Variants in TES observed in about 807,000 individuals in gnomAD.
TES encodes testin LIM domain protein.
A neutral mutation model predicts 48.2 loss-of-function variants in TES; 41 were observed. That is an observed-to-expected ratio of 0.85 (90% CI 0.66 to 1.10). The LOEUF (loss-of-function observed/expected upper bound fraction) is 1.10, where lower values mean the gene tolerates loss of function less well. Ranked by LOEUF, TES falls within the 50% of genes least tolerant of loss-of-function variation. TES has a pLI of 0.00. For synonymous variants in TES, 162 were observed against 174.9 expected, an observed-to-expected ratio of 0.93 and a Z score of 0.58; for missense variants, 463 against 515.1, an observed-to-expected ratio of 0.90 and a Z score of 0.98.
At chr7:116,233,946 A>G (rs1367718072) in intron 1 of TES, among the ~76,000 whole-genome samples, 1 of 152,166 alleles carries the variant, frequency 6.6e-6, no homozygotes, top group Non-Finnish European at 1.5e-5. Context: ...TAACTGCCTA[A>G]TCATTTCATA....
intron 1 of TES, among the ~76,000 whole-genome samples, chr7:116,224,002 T>C (rs1219734043): frequency 2.6e-5 from 4 of 152,200 alleles, no homozygotes; most frequent in African/African-American, 9.7e-5. Context: ...AAAAATGAAA[T>C]GTGGCAGAAG....
At chr7:116,227,816 T>C (rs1279585285) in intron 1 of TES, among the ~76,000 whole-genome samples, 2 of 152,138 alleles carry the variant, frequency 1.3e-5, no homozygotes, top group Non-Finnish European at 2.9e-5. Flanking sequence ...TCCAATATTA[T>C]TAAAGAAGTC....
At chr7:116,225,244 CT>C (rs1799608601) in intron 1 of TES, among the ~76,000 whole-genome samples, 1 of 146,844 alleles carries the variant, frequency 6.8e-6, no homozygotes. Flanking sequence ...GGATCTATTT[CT>C]GCTCTTCTTC....
intron 1 of TES, among the ~76,000 whole-genome samples, chr7:116,228,754 GAAT>G (rs1283335010): frequency 7.2e-5 from 11 of 151,920 alleles, no homozygotes; most frequent in African/African-American, 2.4e-4. Context: ...TGACCATGCT[GAAT>G]AATAACCAAA....
intron 1 of TES, among the ~76,000 whole-genome samples, chr7:116,220,394 G>T (rs573651988): frequency 6.6e-6 from 1 of 152,126 alleles, no homozygotes; most frequent in Non-Finnish European, 1.5e-5. Flanking sequence ...TTCTCTAACA[G>T]TTAGGGAATT....
In TES at chr7:116,252,485, T is replaced by C; in HGVS notation, c.1077+9T>C. 2.5e-6 allele frequency: 4 copies of C among 1,614,130 alleles called. No homozygotes were observed. The South Asian group carries it at 4.4e-5, about 18-fold the overall frequency. On this transcript the variant is annotated intron_variant, in intron 6 of 6. Transcript: ENST00000358204. ...TGAAGAATCACGCTGTGGTGAGAAG[T>C]GTTCTAAGGATATGGTTGCCTCAGC... is the stretch of plus-strand genomic sequence containing the variant.
intron 1 of TES, among the ~76,000 whole-genome samples, chr7:116,220,375 T>A (rs1799542354): frequency 6.6e-6 from 1 of 152,144 alleles, no homozygotes; most frequent in Admixed American, 6.6e-5. Flanking sequence ...GGACCACTGT[T>A]GCCCACTTTT....
At position 116,226,621 on chromosome 7, in the gene TES, T is replaced by G. The variant is rs1214367172; in HGVS notation, c.28-7913T>G. On this transcript the variant is annotated intron_variant, in intron 1 of 6. Coordinates refer to ENST00000358204, the MANE Select transcript of TES (RefSeq NM_015641.4). Reference sequence around the variant, plus strand: ...AGTGTTATGATTATCTTTAGGTTTATTAAAATAATTTTGAGAATAGCAATA... The same window carrying G: ...AGTGTTATGATTATCTTTAGGTTTAGTAAAATAATTTTGAGAATAGCAATA... Among the ~76,000 whole-genome samples the G allele has an allele frequency of 2.6e-5, 4 of 152,224 alleles. No homozygotes were observed. In the East Asian group the frequency reaches 7.7e-4, roughly 29 times the overall value.
chr7:116,214,690 G>A (rs1265528682), intron 1 of TES, among the ~76,000 whole-genome samples: 1 of 152,124 alleles, frequency 6.6e-6, no homozygotes, highest in African/African-American at 2.4e-5. Flanking sequence ...TATTGATTCT[G>A]TTCCTTTATG....
At chr7:116,222,098 G>T (rs1799564064) in intron 1 of TES, among the ~76,000 whole-genome samples, 1 of 152,072 alleles carries the variant, frequency 6.6e-6, no homozygotes, top group Admixed American at 6.6e-5. Flanking sequence ...CAGAATAAGG[G>T]ATGGTGTGAA....
chr7:116,234,635 C>G lies in TES; in HGVS notation c.113+16C>G. The stretch of plus-strand genomic sequence containing the variant: ...ACTTCTGGAGGTATTGTTTTGAAAA[C>G]TGCAACCACATTAGTAATTTATACT... On this transcript the variant is annotated intron_variant, in intron 2 of 6. Coordinates refer to ENST00000358204, the MANE Select transcript of TES (RefSeq NM_015641.4). The G allele has an allele frequency of 6.3e-7, 1 of 1,599,886 alleles. No individual in the cohort carries two copies. Among genetic ancestry groups the G allele is most frequent in the South Asian group, 1.1e-5 (1 of 90,722 alleles).
chr7:116,252,212 GC>G, intron 5 of TES, 105 bp from the exon 6 acceptor site: 1 of 1,266,256 alleles, frequency 7.9e-7, no homozygotes, highest in Non-Finnish European at 1.1e-6. Context: ...ATAAGTTCAA[GC>G]TTTAGGTTAT....
At position 116,210,657 on chromosome 7, in the gene TES, G is replaced by A; in HGVS notation, c.-51G>A. ...GCGGAGCCGGAGGCCAGCTGAACCC[G>A]GCCGTGGGATCCCGGATAGGAGGAG... is the stretch of plus-strand genomic sequence containing the variant. On this transcript the variant is annotated 5_prime_UTR_variant, in exon 1 of 7. Transcript: ENST00000358204. 7.7e-7 allele frequency: 1 copy of A among 1,301,426 alleles called. No homozygotes were observed. Among genetic ancestry groups the A allele is most frequent in the Non-Finnish European group, 9.9e-7 (1 of 1,013,954 alleles). 80.6% of individuals were successfully genotyped at this position (1,301,426 alleles called of 1,614,324 possible). A position where few individuals can be genotyped will look rare whatever the true frequency, so the allele number is the denominator to read the frequency against.
At chr7:116,247,756 G>A (rs147125622) in intron 2 of TES, among the ~76,000 whole-genome samples, 1 of 152,124 alleles carries the variant, frequency 6.6e-6, no homozygotes. Flanking sequence ...ACTTAATTCA[G>A]TAATTTCCAA....
At chr7:116,224,847 C>G (rs1799602953) in intron 1 of TES, among the ~76,000 whole-genome samples, 1 of 137,324 alleles carries the variant, frequency 7.3e-6, no homozygotes, top group Admixed American at 7.3e-5. Context: ...TTACTATTTA[C>G]CTTTTTAGTT....
intron 2 of TES, among the ~76,000 whole-genome samples, chr7:116,240,165 G>A (rs1241768379): frequency 6.6e-6 from 1 of 152,086 alleles, no homozygotes; most frequent in Non-Finnish European, 1.5e-5. Flanking sequence ...GTATATCCCT[G>A]TTACAAAAGG....
At chr7:116,238,461 AT>A (rs1799801427) in intron 2 of TES, 1 of 150,868 alleles carries the variant, frequency 6.6e-6, no homozygotes, top group Non-Finnish European at 1.5e-5. Flanking sequence ...TATTAATAAT[AT>A]AATTTGTGAA....
intron 2 of TES, among the ~76,000 whole-genome samples, chr7:116,246,946 C>CTTTTTTTTTTTTTTT (rs148032626): frequency 2.3e-5 from 3 of 131,046 alleles, no homozygotes; most frequent in Non-Finnish European, 1.6e-5. Context: ...AGACTAGGCC[C>CTTTTTTTTTTTTTTT]CTTTTTTTTT....
At chr7:116,218,294 GAGCCCAGCAGAAAAGATGGCATTC>G (rs1460718256) in intron 1 of TES, among the ~76,000 whole-genome samples, 5 of 60,318 alleles carry the variant, frequency 8.3e-5, no homozygotes, top group East Asian at 9.7e-4. Context: ...TCTGAGCAGC[GAGCCCAGCAGAAAAGATGGCATTC>G]AGCCCAGCAG....
Sources: allele counts gnomAD v4.1 joint callset (sites outside exome capture counted in the v4.1 genomes callset), GRCh38; gene constraint gnomAD v4.1.1; transcripts MANE v1.5; gene names NCBI Gene and HGNC (gene_info 2026-07-23, HGNC 2026-07-21).